The following DDX19A variants were observed in gnomAD, a reference collection of about 807,000 sequenced individuals.
DDX19A encodes ATP-dependent RNA helicase DDX19A.
In DDX19A, 12 loss-of-function variants were observed where a neutral mutation model predicts 60.6. The observed-to-expected ratio is 0.20, with a 90% CI of 0.13 to 0.32. The LOEUF is 0.32. DDX19A is among the 10% of genes least tolerant of loss of function. The pLI is 1.00. For synonymous variants in DDX19A, 206 were observed against 218.2 expected, an observed-to-expected ratio of 0.94 and a Z score of 0.49; for missense variants, 337 against 600.6, an observed-to-expected ratio of 0.56 and a Z score of 4.59.
chr16:70,350,886 T>A (rs1963990957), intron 2 of DDX19A, among the ~76,000 whole-genome samples: 1 of 151,078 alleles, frequency 6.6e-6, no homozygotes, highest in Admixed American at 6.6e-5. Flanking sequence ...TTTATTTATT[T>A]ATTTATTTTG....
chr16:70,367,576 G>A lies in DDX19A; in HGVS notation c.1020+715G>A, dbSNP rs1389436571. ...AGATCTCTGAAGAAAATGTCAAAATGATTTTAGAATAAAAGAGACACCGGA... is the reference window on the plus strand; with the variant it reads ...AGATCTCTGAAGAAAATGTCAAAATAATTTTAGAATAAAAGAGACACCGGA... On this transcript the variant is annotated intron_variant, in intron 9 of 11. Coordinates refer to ENST00000302243, the MANE Select transcript of DDX19A (RefSeq NM_018332.5). Among the ~76,000 whole-genome samples the A allele has an allele frequency of 3.3e-5, 5 of 151,190 alleles. No individual in the cohort carries two copies. In the East Asian group the frequency reaches 1.0e-3, roughly 30 times the overall value.
intron 2 of DDX19A, among the ~76,000 whole-genome samples, chr16:70,354,401 C>G (rs1964122127): frequency 6.6e-6 from 1 of 152,154 alleles, no homozygotes; most frequent in African/African-American, 2.4e-5. Context: ...CCCGCCTCAG[C>G]CTCCCAAAGT....
At chr16:70,348,023 A>G (rs1238744764) in intron 1 of DDX19A, 3 of 447,040 alleles carry the variant, frequency 6.7e-6, no homozygotes, top group Admixed American at 4.9e-5. Context: ...TATTGACAGA[A>G]TTAGACAAGG....
rs1567651972 is a variant in DDX19A at position 70,357,273 on chromosome 16, ATAT to A, written c.293+1027_293+1029del. On this transcript the variant is annotated intron_variant, in intron 4 of 11. Transcript: ENST00000302243. ...GACTCTCTCTCAAAAAAAAAAAAAT[ATAT>A]ATATATATATATGTATATTTAGACT... is the stretch of plus-strand genomic sequence containing the variant. 6.4e-4 allele frequency among the ~76,000 whole-genome samples: 25 copies of A among 39,278 alleles called. 1 individual carries two copies. Among genetic ancestry groups the A allele is most frequent in the African/African-American group, 3.8e-3 (23 of 5,992 alleles). The allele number at this position is 39,278 out of a possible 152,430, so 25.8% of individuals were successfully genotyped here.
At position 70,361,518 on chromosome 16, in the gene DDX19A, T is replaced by C. The variant is rs368477931; in HGVS notation, c.386+8T>C. On this transcript the variant is annotated splice_region_variant and intron_variant, in intron 5 of 11. Coordinates refer to ENST00000302243, the MANE Select transcript of DDX19A (RefSeq NM_018332.5). ...CATGATGCTTGCTGAACCGTGAGTATGCAGATGAAGCGCATCTCACCCAGT... is the reference window on the plus strand; with the variant it reads ...CATGATGCTTGCTGAACCGTGAGTACGCAGATGAAGCGCATCTCACCCAGT... The C allele has an allele frequency of 3.1e-6, 5 of 1,599,548 alleles. No individual in the cohort carries two copies. The highest frequency in any genetic ancestry group is 2.2e-5 in the East Asian group (1 of 44,830).
At position 70,370,233 on chromosome 16, in the gene DDX19A, C is replaced by G. The variant is rs776901149; in HGVS notation, c.1031C>G (p.Thr344Arg). The G allele has an allele frequency of 6.2e-7, 1 of 1,607,640 alleles. No individual in the cohort carries two copies. ...QAMIFCHTRK[T>R]ASWLAAELSK... is the part of the protein sequence containing the mutation. Reference sequence around the variant, plus strand: ...TTTTTTTTCTTCCAGACTCGCAAAACAGCTAGTTGGCTGGCAGCAGAGCTC... The same window carrying G: ...TTTTTTTTCTTCCAGACTCGCAAAAGAGCTAGTTGGCTGGCAGCAGAGCTC... The change falls in exon 10 of 12, where the codon ACA (threonine) becomes AGA (arginine). Residue 344 changes from threonine to arginine, a missense_variant. Around this residue, in one of 6 missense-constraint regions of DDX19A, gnomAD observed 117 missense variants for 274.3 expected, o/e 0.43. Coordinates refer to ENST00000302243, the MANE Select transcript of DDX19A (RefSeq NM_018332.5).
intron 10 of DDX19A, chr16:70,371,117 C>A: frequency 1.6e-6 from 1 of 629,112 alleles, no homozygotes; most frequent in Non-Finnish European, 2.7e-6. Context: ...CAGGGGCGCC[C>A]ATCTCCAGAA....
rs1486901361 is a variant in DDX19A, at chr16:70,370,316, G to T, written c.1114G>T (p.Ala372Ser). 5.0e-6 allele frequency: 8 copies of T among 1,614,148 alleles called. No individual in the cohort carries two copies. The South Asian group carries it at 7.7e-5, about 16-fold the overall frequency. Residue 372 changes from alanine (A) to serine (S), a missense_variant, in exon 10 of 12, where the codon GCT (alanine) becomes TCT (serine). This residue lies in a region of DDX19A where 117 missense variants were observed against 274.3 expected (regional missense o/e 0.43). Transcript: ENST00000302243. ...TGGGGAGATGATGGTGGAGCAGAGG[G>T]CTGCGGTGATTGAGCGCTTCCGAGA... ...LSGEMMVEQR[A>S]AVIERFREGK...
chr16:70,371,259 C>T, intron 10 of DDX19A, 113 bp from the exon 11 acceptor site: 1 of 1,593,112 alleles, frequency 6.3e-7, no homozygotes, highest in Non-Finnish European at 8.6e-7. Flanking sequence ...GTTGGCCTGT[C>T]CCAAATTCTT....
Position 70,372,454 on chromosome 16 carries a change from T to G in DDX19A, c.*468T>G, listed in dbSNP as rs927452949. On this transcript the variant is annotated 3_prime_UTR_variant, in exon 12 of 12. Coordinates refer to ENST00000302243, the MANE Select transcript of DDX19A (RefSeq NM_018332.5). ...AGCTGCCCCCTCTCTGTCTCTTCAA[T>G]GGACCCTTCACAAGTGTTTCTCCTG... 2 of 201,518 alleles carry G rather than the reference T, an allele frequency of 9.9e-6. No homozygotes were observed. Among genetic ancestry groups the G allele is most frequent in the African/African-American group, 4.7e-5 (2 of 42,386 alleles). The allele number at this position is 201,518 out of a possible 1,614,324, so 12.5% of individuals were successfully genotyped here.
intron 4 of DDX19A, among the ~76,000 whole-genome samples, chr16:70,359,787 G>A (rs1023618517): frequency 6.6e-6 from 1 of 152,140 alleles, no homozygotes; most frequent in Admixed American, 6.6e-5. Flanking sequence ...GGGAGGTGTC[G>A]GTTGCAGTGA....
intron 5 of DDX19A, among the ~76,000 whole-genome samples, chr16:70,362,106 C>G (rs972081796): frequency 6.6e-5 from 10 of 150,898 alleles, no homozygotes; most frequent in African/African-American, 2.2e-4. Flanking sequence ...ACCCGGGAGG[C>G]AGAGGTTGCA....
At chr16:70,369,351 T>C (rs974678885) in intron 9 of DDX19A, among the ~76,000 whole-genome samples, 1 of 151,622 alleles carries the variant, frequency 6.6e-6, no homozygotes, top group African/African-American at 2.4e-5. Flanking sequence ...AGCTAATTTT[T>C]GTATTTTTAG....
At chr16:70,370,990 C>T (rs574403909) in intron 10 of DDX19A, 27 of 305,470 alleles carry the variant, frequency 8.8e-5, no homozygotes, top group South Asian at 7.7e-4. Flanking sequence ...AGCGAAACTC[C>T]GTCTCAAAAA....
intron 4 of DDX19A, among the ~76,000 whole-genome samples, chr16:70,358,157 C>A (rs191621119): frequency 2.0e-5 from 3 of 152,032 alleles, no homozygotes; most frequent in African/African-American, 4.8e-5. Context: ...CAGCCTCTCA[C>A]GTAGCTGGGA....
rs1466522089 is a variant in DDX19A, at chr16:70,361,042, C to A, written c.294-376C>A. On this transcript the variant is annotated intron_variant, in intron 4 of 11. Transcript: ENST00000302243. ...ACAGGCATGAGTCACTGTACCTGACCTGTTTTTAGATATATCTTTTATAAT... is the reference window on the plus strand; with the variant it reads ...ACAGGCATGAGTCACTGTACCTGACATGTTTTTAGATATATCTTTTATAAT... 3.9e-5 allele frequency: 9 copies of A among 231,494 alleles called. 1 individual carries two copies. In the South Asian group the frequency reaches 4.8e-4, roughly 12 times the overall value. 14.3% of individuals were successfully genotyped at this position (231,494 alleles called of 1,614,324 possible).
rs367722851 is a variant in DDX19A, at chr16:70,371,834, C to G, written c.1376-91C>G. ...GCCCTGCTGCCCCCTGCTTAGGCAC[C>G]CGGAGCCTTTGGGCCTGAATGAATG... On this transcript the variant is annotated intron_variant, in intron 11 of 11. Transcript: ENST00000302243. 886 of 1,600,398 alleles carry G rather than the reference C, an allele frequency of 5.5e-4. 8 individuals carry two copies. The South Asian group carries it at 5.6e-3, about 10-fold the overall frequency.
intron 9 of DDX19A, among the ~76,000 whole-genome samples, chr16:70,367,619 T>C (rs1052767935): frequency 2.0e-5 from 3 of 152,172 alleles, no homozygotes; most frequent in Admixed American, 6.6e-5. Flanking sequence ...GGCTCATGCC[T>C]GTAATCCCAG....
intron 5 of DDX19A, among the ~76,000 whole-genome samples, chr16:70,362,463 A>G (rs1424647971): frequency 6.6e-6 from 1 of 152,184 alleles, no homozygotes; most frequent in African/African-American, 2.4e-5. Flanking sequence ...ACAAAGGTGT[A>G]AAGAACAATA....
Sources: allele counts gnomAD v4.1 joint callset (sites outside exome capture counted in the v4.1 genomes callset), GRCh38; gene constraint gnomAD v4.1.1; regional missense constraint gnomAD v4.1.1; transcripts MANE v1.5; gene names NCBI Gene and HGNC (gene_info 2026-07-23, HGNC 2026-07-21).